The following PPP2R5C variants were observed in gnomAD, a reference collection of about 807,000 sequenced individuals.
The protein encoded by PPP2R5C is serine/threonine-protein phosphatase 2A 56 kDa regulatory subunit gamma isoform.
PPP2R5C carries 7 observed loss-of-function variants against 68.9 expected under a neutral mutation model. The observed-to-expected ratio is 0.10, with a 90% CI of 0.06 to 0.19. The LOEUF (loss-of-function observed/expected upper bound fraction) is 0.19, where lower values mean the gene tolerates loss of function less well. Among genes scored for constraint, PPP2R5C ranks in the 10% least tolerant of loss-of-function variants. PPP2R5C has a pLI of 1.00. For missense variants in PPP2R5C, 348 were observed against 641.3 expected, an observed-to-expected ratio of 0.54 and a Z score of 4.94; for synonymous variants, 210 against 222.2, an observed-to-expected ratio of 0.95 and a Z score of 0.49.
At chr14:101,815,999 C>T (rs932134982) in intron 1 of PPP2R5C, among the ~76,000 whole-genome samples, 4 of 152,206 alleles carry the variant, frequency 2.6e-5, no homozygotes, top group Non-Finnish European at 5.9e-5. Flanking sequence ...CTAAATACCT[C>T]ATCAGTGGAA....
chr14:101,779,364 A>G (rs2037568153), intron 2 of PPP2R5C, among the ~76,000 whole-genome samples: 1 of 152,290 alleles, frequency 6.6e-6, no homozygotes, highest in East Asian at 1.9e-4. Context: ...AACCCCCTTA[A>G]GAACACTGAG....
At chr14:101,858,920 A>C (rs981016257) in intron 2 of PPP2R5C, among the ~76,000 whole-genome samples, 1 of 152,192 alleles carries the variant, frequency 6.6e-6, no homozygotes, top group East Asian at 1.9e-4. Context: ...TACTGGCACC[A>C]CTTAGGATAC....
chr14:101,792,495 C>G (rs2038404459), intron 3 of PPP2R5C, among the ~76,000 whole-genome samples: 1 of 152,184 alleles, frequency 6.6e-6, no homozygotes, highest in Admixed American at 6.5e-5. Flanking sequence ...TCTTACCAAC[C>G]AGAGATACTT....
At position 101,797,864 on chromosome 14, in the gene PPP2R5C, T is replaced by G. The variant is rs1053754703; in HGVS notation, c.259+11681T>G. Among the ~76,000 whole-genome samples, 11 of 151,996 alleles carry G rather than the reference T, an allele frequency of 7.2e-5. No homozygotes were observed. The highest frequency in any genetic ancestry group is 5.9e-5 in the Non-Finnish European group (4 of 67,990). On this transcript the variant is annotated intron_variant, in intron 3 of 14. Coordinates refer to the PPP2R5C transcript ENST00000328724. The surrounding 1 kb of genome is among the most constrained non-coding windows in gnomAD (Gnocchi z 4.2). Reference sequence around the variant, plus strand: ...ACAGCCCCAGCACTCTGGGTGGATTTCACTTCATCTACTCCACTCACCTAC... The same window carrying G: ...ACAGCCCCAGCACTCTGGGTGGATTGCACTTCATCTACTCCACTCACCTAC...
intron 3 of PPP2R5C, among the ~76,000 whole-genome samples, chr14:101,795,467 T>C (rs2038563733): frequency 6.6e-6 from 1 of 152,242 alleles, no homozygotes; most frequent in Non-Finnish European, 1.5e-5. Context: ...AATGCCTTCA[T>C]TTAACATTTT....
upstream of PPP2R5C, among the ~76,000 whole-genome samples, chr14:101,806,930 C>G (rs1040648036): frequency 6.6e-6 from 1 of 152,148 alleles, no homozygotes. Flanking sequence ...CCACTTCCCT[C>G]CAGCCTGGGT....
chr14:101,840,989 C>T (rs2041436258), intron 1 of PPP2R5C, among the ~76,000 whole-genome samples: 1 of 152,176 alleles, frequency 6.6e-6, no homozygotes, highest in Non-Finnish European at 1.5e-5. Context: ...GCTGGTAAGT[C>T]ACTTGATACA....
chr14:101,856,899 G>A lies in PPP2R5C; in HGVS notation c.294+14G>A, dbSNP rs765334746. 2.2e-5 allele frequency: 35 copies of A among 1,608,268 alleles called. No individual in the cohort carries two copies. The highest frequency in any genetic ancestry group is 4.0e-5 in the African/African-American group (3 of 74,808). ...GTAGTCCATATGGTAAGTGATTACA[G>A]TTTAACCAGTGTGTCCCAGTTCTGA... On this transcript the variant is annotated intron_variant, in intron 2 of 13. Coordinates refer to ENST00000334743, the Ensembl canonical transcript of PPP2R5C.
rs760194767 is a variant in PPP2R5C at position 101,915,777 on chromosome 14, A to C, written c.1327-2054A>C. Reference sequence around the variant, plus strand: ...CAGGGAGCTTACAGTCCATTAGGAGAGGCAGATGAATTCAGCTCAGATGAT... The same window carrying C: ...CAGGGAGCTTACAGTCCATTAGGAGCGGCAGATGAATTCAGCTCAGATGAT... On this transcript the variant is annotated intron_variant, in intron 12 of 13. Transcript: ENST00000334743. This position sits in a 1 kb window ranked among gnomAD's most constrained non-coding sequence, Gnocchi z 4.2. Among the ~76,000 whole-genome samples the C allele has an allele frequency of 6.6e-6, 1 of 152,226 alleles. No individual in the cohort carries two copies. Among genetic ancestry groups the C allele is most frequent in the Non-Finnish European group, 1.5e-5 (1 of 68,040 alleles).
chr14:101,875,112 TATTCAAAGTA>T (rs2043677819), intron 2 of PPP2R5C, among the ~76,000 whole-genome samples: 1 of 152,256 alleles, frequency 6.6e-6, no homozygotes, highest in Non-Finnish European at 1.5e-5. Flanking sequence ...AATAGCAAGT[TATTCAAAGTA>T]AGAATTTTCA....
rs1271423437 is a variant in PPP2R5C at position 101,825,805 on chromosome 14, CT to C, written c.94+15771del. On this transcript the variant is annotated intron_variant, in intron 1 of 13. Transcript: ENST00000334743. This position sits in a 1 kb window ranked among gnomAD's most constrained non-coding sequence, Gnocchi z 4.0. ...CTTCAGCAGAGGGGATTATCAGAAA[CT>C]TCTGGGGCAGTAAGGGAAATTTAAG... Among the ~76,000 whole-genome samples the C allele has an allele frequency of 1.3e-5, 2 of 152,172 alleles. No individual in the cohort carries two copies. The highest frequency in any genetic ancestry group is 2.9e-5 in the Non-Finnish European group (2 of 68,034).
chr14:101,806,080 T>C (rs2039062000), upstream of PPP2R5C, among the ~76,000 whole-genome samples: 1 of 152,172 alleles, frequency 6.6e-6, no homozygotes, highest in Non-Finnish European at 1.5e-5. Flanking sequence ...TTTAGCACAA[T>C]TTTTATTTTT....
chr14:101,853,234 G>T (rs1306761693), intron 1 of PPP2R5C, among the ~76,000 whole-genome samples: 2 of 151,124 alleles, frequency 1.3e-5, no homozygotes, highest in African/African-American at 4.9e-5. Context: ...ATTGTTACAG[G>T]TTTTTTTTAA....
intron 2 of PPP2R5C, among the ~76,000 whole-genome samples, chr14:101,769,810 A>G (rs543533065): frequency 6.6e-6 from 1 of 152,362 alleles, no homozygotes; most frequent in African/African-American, 2.4e-5. Flanking sequence ...GCACTTCAAA[A>G]TAAGATTTCC....
chr14:101,773,737 C>T (rs2037271138), intron 2 of PPP2R5C, among the ~76,000 whole-genome samples: 1 of 152,108 alleles, frequency 6.6e-6, no homozygotes, highest in South Asian at 2.1e-4. Context: ...CTCTGTTGCC[C>T]AGGCTGGAGT....
At chr14:101,822,316 C>T (rs2040134229) in intron 1 of PPP2R5C, among the ~76,000 whole-genome samples, 1 of 152,078 alleles carries the variant, frequency 6.6e-6, no homozygotes, top group Admixed American at 6.6e-5. Context: ...ATCTAATCCC[C>T]CAAAGAGAAA....
At chr14:101,800,165 C>G (rs1015677283) in intron 3 of PPP2R5C, among the ~76,000 whole-genome samples, 1 of 152,150 alleles carries the variant, frequency 6.6e-6, no homozygotes, top group Non-Finnish European at 1.5e-5. Context: ...GGGGGGATCA[C>G]TTGAGCTCAG....
intron 11 of PPP2R5C, among the ~76,000 whole-genome samples, chr14:101,910,992 T>C (rs1410361091): frequency 6.6e-6 from 1 of 151,894 alleles, no homozygotes; most frequent in African/African-American, 2.4e-5. Flanking sequence ...TGGTCCCAGC[T>C]ACTCAGAGTC....
intron 11 of PPP2R5C, among the ~76,000 whole-genome samples, chr14:101,911,076 C>T (rs2141106111): frequency 6.7e-6 from 1 of 148,700 alleles, no homozygotes; most frequent in South Asian, 2.1e-4. Context: ...GCACTCCAGC[C>T]TGGGAGACAG....
Sources: gnomAD v4.1 joint callset for allele counts (sites outside exome capture counted in the v4.1 genomes callset) on GRCh38, gnomAD v4.1.1 for gene constraint, Gnocchi (gnomAD v3.1) non-coding constraint, MANE v1.5 for transcripts, NCBI Gene and HGNC (gene_info 2026-07-23, HGNC 2026-07-21) for gene names.